Variants in HUWE1 observed in about 807,000 individuals in gnomAD.
The protein encoded by HUWE1 is HECT, UBA and WWE domain containing E3 ubiquitin protein ligase 1.
HUWE1 carries 18 observed loss-of-function variants against 299.4 expected under a neutral mutation model. The ratio of observed to expected loss-of-function variants is 0.06; its 90% CI spans 0.04 to 0.09. The LOEUF (loss-of-function observed/expected upper bound fraction) is 0.09. Among genes scored for constraint, HUWE1 ranks in the 10% least tolerant of loss-of-function variants. The probability of loss-of-function intolerance (pLI) is 1.00; values close to 1 mark genes in which losing one functional copy is unlikely to be tolerated. For synonymous variants in HUWE1, 1,317 were observed against 1,286.1 expected (o/e 1.02, Z -0.51); for missense variants, 1,832 against 3,462.3 (o/e 0.53, Z 11.82).
At chrX:53,664,307 C>A (rs782591087) in intron 3 of HUWE1, among the ~76,000 whole-genome samples, 2 of 112,243 alleles carry the variant, frequency 1.8e-5, no homozygotes, top group Non-Finnish European at 3.8e-5. Context: ...CTGGCCTCAG[C>A]CTCCCAAAGT....
intron 35 of HUWE1, 105 bp from the exon 36 acceptor site, chrX:53,589,921 C>A (rs1248220057): frequency 1.2e-6 from 1 of 861,890 alleles, no homozygotes; most frequent in African/African-American, 2.0e-5. Flanking sequence ...TTACCCTCAA[C>A]CTTCTCCTCA....
At chrX:53,642,485 C>G (rs1355549088) in intron 7 of HUWE1, among the ~76,000 whole-genome samples, 5 of 111,541 alleles carry the variant, frequency 4.5e-5, no homozygotes, top group Admixed American at 1.9e-4. Flanking sequence ...TGATGGATAC[C>G]AAGGTTGCTT....
At chrX:53,671,588 A>C (rs1375186133) in intron 3 of HUWE1, among the ~76,000 whole-genome samples, 1 of 111,101 alleles carries the variant, frequency 9.0e-6, no homozygotes, top group African/African-American at 3.3e-5. Context: ...CAGGAGATCG[A>C]GACCATCCTG....
chrX:53,534,296 G>A, intron 82 of HUWE1, 99 bp from the exon 83 acceptor site: 2 of 798,135 alleles, frequency 2.5e-6, no homozygotes, highest in Admixed American at 2.4e-5. Context: ...CTTGGTATCT[G>A]AGGCAAGTCC....
chrX:53,551,849 G>GAAAAT (rs1347121698), intron 63 of HUWE1, among the ~76,000 whole-genome samples: 1 of 111,065 alleles, frequency 9.0e-6, no homozygotes, highest in African/African-American at 3.3e-5. Flanking sequence ...TGTACTTGGA[G>GAAAAT]AAAATAAACC....
At chrX:53,648,899 C>G (rs1557038187) in intron 4 of HUWE1, among the ~76,000 whole-genome samples, 1 of 112,040 alleles carries the variant, frequency 8.9e-6, no homozygotes, top group Non-Finnish European at 1.9e-5. Flanking sequence ...TACATTTCTG[C>G]TCTCTTCTAC....
chrX:53,614,892 G>A (rs1203393646), intron 22 of HUWE1, 147 bp from the exon 23 acceptor site: 9 of 481,499 alleles, frequency 1.9e-5, no homozygotes, highest in Non-Finnish European at 3.3e-5. Context: ...CCAGAATATG[G>A]TCATTAATTA....
In HUWE1 at chrX:53,591,102, T is replaced by G; in HGVS notation, c.3993A>C (p.Thr1331=). The G allele has an allele frequency of 3.3e-6, 4 of 1,210,280 alleles. No individual in the cohort carries two copies. Among genetic ancestry groups the G allele is most frequent in the Non-Finnish European group, 4.5e-6 (4 of 894,778 alleles). ...QLQQLMDMGF[T]REHAMEALLN... ...ACAGTGCCTCCATTGCATGTTCCCT[T>G]GTGAAGCCCATGTCCATGAGCTACA... The change falls in exon 34 of 84, where the codon ACA becomes ACC. Residue 1331 remains threonine (T), a synonymous_variant. Coordinates refer to ENST00000262854, the MANE Select transcript of HUWE1 (RefSeq NM_031407.7).
In HUWE1 at chrX:53,589,826, G is replaced by A. The variant is rs782412503; in HGVS notation, c.4192-10C>T. ...TCCGGCAAGCAACTTCCTGGAAGCA[G>A]GGAAGGAAGTGTGAATAATACACAG... On this transcript the variant is annotated splice_polypyrimidine_tract_variant and intron_variant, in intron 35 of 83. Coordinates refer to ENST00000262854, the MANE Select transcript of HUWE1 (RefSeq NM_031407.7). 14 of 1,198,147 alleles carry A rather than the reference G, an allele frequency of 1.2e-5. No individual in the cohort carries two copies. In the African/African-American group the frequency reaches 2.5e-4, roughly 21 times the overall value.
At chrX:53,651,265 G>A in intron 4 of HUWE1, among the ~76,000 whole-genome samples, 1 of 110,679 alleles carries the variant, frequency 9.0e-6, no homozygotes. Flanking sequence ...CACAATCCAG[G>A]TAATAAACAT....
At chrX:53,622,630 G>T (rs182001912) in intron 19 of HUWE1, among the ~76,000 whole-genome samples, 3 of 111,183 alleles carry the variant, frequency 2.7e-5, no homozygotes, top group African/African-American at 9.8e-5. Flanking sequence ...CTCAATGAGG[G>T]ACAAAGCAGT....
rs1556923213 is a variant in HUWE1 at position 53,546,696 on chromosome X, G to C, written c.10758+8C>G. ...AAGTCTTAGCAGATCAGAAGAGCTTGGACTCACCTCTACAGAGAGCTGTAG... is the reference window on the plus strand; with the variant it reads ...AAGTCTTAGCAGATCAGAAGAGCTTCGACTCACCTCTACAGAGAGCTGTAG... On this transcript the variant is annotated splice_region_variant and intron_variant, in intron 69 of 83. Coordinates refer to ENST00000262854, the MANE Select transcript of HUWE1 (RefSeq NM_031407.7). 3.3e-6 allele frequency: 4 copies of C among 1,209,727 alleles called. No homozygotes were observed. The South Asian group carries it at 7.0e-5, about 21-fold the overall frequency.
chrX:53,649,016 C>T (rs2068277593), intron 4 of HUWE1, among the ~76,000 whole-genome samples: 2 of 111,688 alleles, frequency 1.8e-5, no homozygotes, highest in Non-Finnish European at 3.8e-5. Context: ...AGAGAGAAGC[C>T]TTCCGTTAAT....
chrX:53,631,560 C>A lies in HUWE1; in HGVS notation c.693+7G>T. 1.7e-6 allele frequency: 2 copies of A among 1,196,123 alleles called. No homozygotes were observed. Among genetic ancestry groups the A allele is most frequent in the Non-Finnish European group, 2.3e-6 (2 of 881,990 alleles). ...GAAACGAGCCAAGAGTCAAAGATTC[C>A]TCTTACCTTGTCAAGTTGCTCTATG... is the stretch of plus-strand genomic sequence containing the variant. On this transcript the variant is annotated splice_region_variant and intron_variant, in intron 10 of 83. Transcript: ENST00000262854.
At chrX:53,627,655 T>C in intron 16 of HUWE1, 84 bp downstream of exon 16, 2 of 958,109 alleles carry the variant, frequency 2.1e-6, no homozygotes, top group Non-Finnish European at 3.0e-6. Flanking sequence ...GACTGTAAGA[T>C]CGCTCTTTAG....
At chrX:53,544,892 GA>G in intron 71 of HUWE1, 130 bp from the exon 72 acceptor site, 2 of 911,350 alleles carry the variant, frequency 2.2e-6, no homozygotes, top group Non-Finnish European at 3.2e-6. Context: ...GTAGGAAGTA[GA>G]AAAAAATGGG....
intron 3 of HUWE1, among the ~76,000 whole-genome samples, chrX:53,654,385 TTC>T (rs2068648512): frequency 8.9e-6 from 1 of 112,126 alleles, no homozygotes. Context: ...TGAAAATTTT[TTC>T]TCTTTTACAA....
At chrX:53,626,812 G>T (rs1217310961) in intron 17 of HUWE1, among the ~76,000 whole-genome samples, 3 of 111,526 alleles carry the variant, frequency 2.7e-5, no homozygotes, top group Non-Finnish European at 3.8e-5. Flanking sequence ...GACCACAGGT[G>T]CATGCCACCC....
intron 22 of HUWE1, among the ~76,000 whole-genome samples, chrX:53,615,206 T>C (rs781941742): frequency 8.2e-5 from 9 of 110,382 alleles, no homozygotes; most frequent in Non-Finnish European, 1.1e-4. Context: ...ACAGGTTACA[T>C]TAAATGGAAA....
Sources: gnomAD v4.1 joint callset for allele counts (sites outside exome capture counted in the v4.1 genomes callset) on GRCh38, gnomAD v4.1.1 for gene constraint, MANE v1.5 for transcripts, NCBI Gene and HGNC (gene_info 2026-07-23, HGNC 2026-07-21) for gene names.